TRAF3: variants seen among roughly 807,000 people sequenced by gnomAD.
TRAF3 encodes TNF receptor associated factor 3, also known as TNF receptor-associated factor 3.
TRAF3 carries 13 observed loss-of-function variants against 62.3 expected under a neutral mutation model. That is an observed-to-expected ratio of 0.21 (90% CI 0.14 to 0.33). TRAF3 has a LOEUF of 0.33. Among genes scored for constraint, TRAF3 ranks in the 10% least tolerant of loss-of-function variants. The pLI, the probability that TRAF3 is intolerant of heterozygous loss-of-function variation, is 1.00. For missense variants in TRAF3, 440 were observed against 741.8 expected (o/e 0.59, Z 4.73); for synonymous variants, 269 against 283.4 (o/e 0.95, Z 0.51).
chr14:102,896,649 G>A (rs1192722427), intron 9 of TRAF3, among the ~76,000 whole-genome samples: 1 of 152,138 alleles, frequency 6.6e-6, no homozygotes, highest in Admixed American at 6.5e-5. Flanking sequence ...AGATTTGCTA[G>A]TTTTTAGCAA....
In TRAF3 at chr14:102,891,263, G is replaced by A. The variant is rs1287830028; in HGVS notation, c.727-62G>A. The A allele has an allele frequency of 6.7e-6, 10 of 1,487,252 alleles. No homozygotes were observed. The East Asian group carries it at 1.9e-4, about 28-fold the overall frequency. 92.1% of individuals were successfully genotyped at this position (1,487,252 alleles called of 1,614,324 possible). A position where few individuals can be genotyped will look rare whatever the true frequency, so the allele number is the denominator to read the frequency against. ...GTGCTGCTTTTAGGGTCGTATGTTA[G>A]CCGTTCTGCCCTTTGAAATGCAGCG... On this transcript the variant is annotated intron_variant, in intron 8 of 11. Coordinates refer to ENST00000392745, the MANE Select transcript of TRAF3 (RefSeq NM_145725.3).
chr14:102,869,514 T>G (rs1471675901), intron 2 of TRAF3, among the ~76,000 whole-genome samples: 1 of 152,154 alleles, frequency 6.6e-6, no homozygotes, highest in Admixed American at 6.5e-5. Context: ...TTATTAACTT[T>G]AAAACATTTT....
intron 2 of TRAF3, among the ~76,000 whole-genome samples, chr14:102,841,950 A>G (rs570811540): frequency 2.0e-4 from 31 of 152,340 alleles, no homozygotes; most frequent in African/African-American, 7.5e-4. Context: ...TAGAATATAT[A>G]CAATATATAA....
chr14:102,811,522 G>A (rs1210225219), intron 1 of TRAF3, among the ~76,000 whole-genome samples: 1 of 144,654 alleles, frequency 6.9e-6, no homozygotes, highest in East Asian at 2.1e-4. Context: ...CCTACAAGGA[G>A]CTCAAGGAGC....
intron 2 of TRAF3, among the ~76,000 whole-genome samples, chr14:102,838,123 CT>C (rs1886139641): frequency 6.6e-6 from 1 of 152,240 alleles, no homozygotes; most frequent in South Asian, 2.1e-4. Flanking sequence ...TGTTGTGAAG[CT>C]GCTGAATCTT....
chr14:102,896,961 T>C (rs1156845667), intron 9 of TRAF3, among the ~76,000 whole-genome samples: 4 of 152,142 alleles, frequency 2.6e-5, no homozygotes. Flanking sequence ...TAGGCCTAGC[T>C]TACTCAAGAG....
Position 102,905,970 on chromosome 14 carries a change from G to A in TRAF3, c.*186G>A, listed in dbSNP as rs1444731674. ...ACCTGACACGTTTTATAATAGACTA[G>A]CCACACTTCACTCTGAAGAATTATT... On this transcript the variant is annotated 3_prime_UTR_variant, in exon 12 of 12. Coordinates refer to ENST00000392745, the MANE Select transcript of TRAF3 (RefSeq NM_145725.3). The A allele has an allele frequency of 1.9e-6, 1 of 538,288 alleles. No individual in the cohort carries two copies. The highest frequency in any genetic ancestry group is 1.9e-5 in the African/African-American group (1 of 53,236). The allele number at this position is 538,288 out of a possible 1,614,324, so 33.3% of individuals were successfully genotyped here.
At chr14:102,808,248 C>A (rs1371665348) in intron 1 of TRAF3, among the ~76,000 whole-genome samples, 1 of 152,062 alleles carries the variant, frequency 6.6e-6, no homozygotes, top group African/African-American at 2.4e-5. Flanking sequence ...TGCGGTGGCT[C>A]ACACCTGTAA....
intron 2 of TRAF3, among the ~76,000 whole-genome samples, chr14:102,854,214 T>C (rs965552589): frequency 6.6e-6 from 1 of 152,218 alleles, no homozygotes; most frequent in African/African-American, 2.4e-5. Flanking sequence ...TTTCTACTTT[T>C]TTTTTCGCTA....
intron 1 of TRAF3, among the ~76,000 whole-genome samples, chr14:102,802,425 A>G (rs1421019406): frequency 6.8e-6 from 1 of 147,604 alleles, no homozygotes; most frequent in Non-Finnish European, 1.5e-5. Flanking sequence ...AAGTGCTGGG[A>G]TTACAGGCGT....
rs1210624120 is a variant in TRAF3, at chr14:102,903,007, C to G, written c.961-248C>G. ...AAGCAAGCTGACTTAGTGGAGCCTC[C>G]TGTTGTTTTCTTCCATGTGGCTTCA... On this transcript the variant is annotated intron_variant, in intron 10 of 11. Coordinates refer to ENST00000392745, the MANE Select transcript of TRAF3 (RefSeq NM_145725.3). This position sits in a 1 kb window ranked among gnomAD's most constrained non-coding sequence, Gnocchi z 6.4. The G allele has an allele frequency of 5.3e-6, 3 of 564,676 alleles. No homozygotes were observed. Among genetic ancestry groups the G allele is most frequent in the African/African-American group, 1.9e-5 (1 of 53,236 alleles). 35.0% of individuals were successfully genotyped at this position (564,676 alleles called of 1,614,324 possible).
chr14:102,822,972 C>T (rs1313103351), intron 1 of TRAF3, among the ~76,000 whole-genome samples: 4 of 150,996 alleles, frequency 2.6e-5, no homozygotes, highest in Non-Finnish European at 5.9e-5. Flanking sequence ...CGCCATTGCA[C>T]TCCAGCCTAG....
chr14:102,875,481 A>T lies in TRAF3; in HGVS notation c.298-143A>T. On this transcript the variant is annotated intron_variant, in intron 4 of 11. Transcript: ENST00000392745. ...TTCTTCATTCTACTTCTAGAAATCA[A>T]GATGGTCCTTAATGCTTTCTGAAGT... 6.2e-6 allele frequency: 4 copies of T among 649,768 alleles called. No homozygotes were observed. In the South Asian group the frequency reaches 7.2e-5, roughly 12 times the overall value. The allele number at this position is 649,768 out of a possible 1,614,324, so 40.3% of individuals were successfully genotyped here.
In TRAF3 at chr14:102,910,967, G is replaced by T. The variant is rs1189640160; in HGVS notation, c.*5183G>T. The T allele has an allele frequency of 6.6e-6, 1 of 152,260 alleles. No individual in the cohort carries two copies. Among genetic ancestry groups the T allele is most frequent in the Non-Finnish European group, 1.5e-5 (1 of 68,046 alleles). 9.4% of individuals were successfully genotyped at this position (152,260 alleles called of 1,614,324 possible). Reference sequence around the variant, plus strand: ...TCTGTAAGAAATGCCTGTAGGAGAAGGTCTGTGAAGTGTGGAGGGCAGTGT... The same window carrying T: ...TCTGTAAGAAATGCCTGTAGGAGAATGTCTGTGAAGTGTGGAGGGCAGTGT... On this transcript the variant is annotated 3_prime_UTR_variant, in exon 12 of 12. Transcript: ENST00000392745.
chr14:102,886,118 T>G, intron 6 of TRAF3, 71 bp from the exon 7 acceptor site: 10 of 1,520,200 alleles, frequency 6.6e-6, no homozygotes, highest in South Asian at 2.3e-5. Context: ...GGGGGCCCCA[T>G]GGGGATCTCA....
intron 2 of TRAF3, among the ~76,000 whole-genome samples, chr14:102,857,087 T>C (rs955027268): frequency 6.6e-6 from 1 of 152,236 alleles, no homozygotes; most frequent in Non-Finnish European, 1.5e-5. Context: ...TTCCATGAAC[T>C]GGGCAGTTGT....
intron 1 of TRAF3, among the ~76,000 whole-genome samples, chr14:102,823,844 T>C (rs1900121923): frequency 6.6e-6 from 1 of 152,008 alleles, no homozygotes; most frequent in Non-Finnish European, 1.5e-5. Flanking sequence ...TTGGACATTC[T>C]ATGGAAATGC....
intron 1 of TRAF3, among the ~76,000 whole-genome samples, chr14:102,820,243 C>T (rs1048886838): frequency 2.0e-5 from 3 of 152,048 alleles, no homozygotes; most frequent in Non-Finnish European, 4.4e-5. Context: ...TAGGAGGTAA[C>T]CGTTCTGGAT....
intron 2 of TRAF3, among the ~76,000 whole-genome samples, chr14:102,866,133 A>G (rs1212262848): frequency 6.6e-6 from 1 of 152,254 alleles, no homozygotes; most frequent in African/African-American, 2.4e-5. Context: ...TTGCAGGGAC[A>G]TGGATGAAGC....
Sources: allele counts gnomAD v4.1 joint callset (sites outside exome capture counted in the v4.1 genomes callset), GRCh38; gene constraint gnomAD v4.1.1; non-coding constraint Gnocchi (gnomAD v3.1); transcripts MANE v1.5; gene names NCBI Gene and HGNC (gene_info 2026-07-23, HGNC 2026-07-21).